The following PBLD variants were observed in gnomAD, a reference collection of about 807,000 sequenced individuals.
PBLD encodes the protein phenazine biosynthesis-like domain-containing protein.
A neutral mutation model predicts 31.3 loss-of-function variants in PBLD; 26 were observed. The observed-to-expected ratio is 0.83, with a 90% CI of 0.61 to 1.15. The LOEUF is 1.15. Among genes scored for constraint, PBLD ranks in the 50% most tolerant of loss-of-function variants. The probability of loss-of-function intolerance (pLI) is 0.00; values close to 1 mark genes in which losing one functional copy is unlikely to be tolerated. For missense variants in PBLD, 307 were observed against 351.7 expected, an observed-to-expected ratio of 0.87 and a Z score of 1.02; for synonymous variants, 114 against 129.0, an observed-to-expected ratio of 0.88 and a Z score of 0.79.
chr10:68,306,933 T>G, intron 1 of PBLD, 30 bp from the exon 2 acceptor site: 1 of 1,004,468 alleles, frequency 1.0e-6, no homozygotes, highest in South Asian at 1.4e-5. Context: ...AAAAAGTTAA[T>G]GTTTTACTTG....
At chr10:68,324,874 C>T (rs1029979293) in intron 1 of PBLD, among the ~76,000 whole-genome samples, 1 of 151,378 alleles carries the variant, frequency 6.6e-6, no homozygotes, top group Non-Finnish European at 1.5e-5. Flanking sequence ...CCTTGGCCTC[C>T]CAAAGTGCTG....
chr10:68,289,152 T>C, intron 6 of PBLD, 133 bp from the exon 7 acceptor site: 1 of 658,470 alleles, frequency 1.5e-6, no homozygotes, highest in Non-Finnish European at 2.6e-6. Flanking sequence ...TCCCCAAGAG[T>C]GTTAGTGCAG....
At chr10:68,319,680 C>T (rs1017551213) in intron 1 of PBLD, among the ~76,000 whole-genome samples, 3 of 152,022 alleles carry the variant, frequency 2.0e-5, no homozygotes, top group African/African-American at 4.8e-5. Flanking sequence ...GGGATCACAA[C>T]ACTGCACTCC....
intron 4 of PBLD, among the ~76,000 whole-genome samples, chr10:68,293,962 C>T (rs993004853): frequency 1.3e-5 from 2 of 151,932 alleles, no homozygotes; most frequent in Non-Finnish European, 2.9e-5. Flanking sequence ...GTGACAAGAG[C>T]AAAACTCCAT....
chr10:68,325,953 TATGTAATGGA>T (rs1457442714), intron 1 of PBLD, among the ~76,000 whole-genome samples: 1 of 152,242 alleles, frequency 6.6e-6, no homozygotes, highest in Non-Finnish European at 1.5e-5. Context: ...GTAATTTATC[TATGTAATGGA>T]ATGTATCTGT....
chr10:68,318,389 A>AAG (rs2044767093), intron 1 of PBLD, among the ~76,000 whole-genome samples: 1 of 148,742 alleles, frequency 6.7e-6, no homozygotes, highest in East Asian at 2.0e-4. Flanking sequence ...AAAAAAAAAA[A>AAG]AAAAAAAAAA....
At chr10:68,309,901 T>C (rs990651373) in intron 1 of PBLD, among the ~76,000 whole-genome samples, 1 of 149,686 alleles carries the variant, frequency 6.7e-6, no homozygotes, top group Non-Finnish European at 1.5e-5. Flanking sequence ...TTTGGGAGAC[T>C]GAGGTGGGTG....
intron 6 of PBLD, among the ~76,000 whole-genome samples, chr10:68,291,119 T>A (rs568607956): frequency 6.6e-6 from 1 of 152,188 alleles, no homozygotes; most frequent in Admixed American, 6.5e-5. Flanking sequence ...AGAATCATTT[T>A]TCTCATGACA....
chr10:68,331,894 G>C (rs28365926), intron 1 of PBLD: 9,897 of 152,384 alleles, frequency 0.065, 484 homozygotes, highest in East Asian at 0.19. Context: ...GCCTCTGCTC[G>C]GTCTACCTCG....
Position 68,319,100 on chromosome 10 carries a change from A to AAAGG in PBLD, c.-59-12198_-59-12197insCCTT, listed in dbSNP as rs1564737518. Among the ~76,000 whole-genome samples, 78 of 133,996 alleles carry AAAGG rather than the reference A, an allele frequency of 5.8e-4. No homozygotes were observed. The Middle Eastern group carries it at 0.01, about 18-fold the overall frequency. 87.9% of individuals were successfully genotyped at this position (133,996 alleles called of 152,430 possible). A position where few individuals can be genotyped will look rare whatever the true frequency, so the allele number is the denominator to read the frequency against. On this transcript the variant is annotated intron_variant, in intron 1 of 9. Transcript: ENST00000358769. ...GAAAGAAAGAAAGAAAGAAAGAAAG[A>AAAGG]AAGAAAGAAAGGAAAAAGAAAGAAA...
intron 1 of PBLD, among the ~76,000 whole-genome samples, chr10:68,318,269 G>A (rs931971180): frequency 1.3e-5 from 2 of 151,172 alleles, no homozygotes; most frequent in Non-Finnish European, 2.9e-5. Flanking sequence ...ACCAGACAAG[G>A]TGGCTAGTGC....
intron 1 of PBLD, among the ~76,000 whole-genome samples, chr10:68,329,845 G>T (rs2044985777): frequency 6.6e-6 from 1 of 152,078 alleles, no homozygotes; most frequent in South Asian, 2.1e-4. Context: ...CCTCACGAAG[G>T]TTCATAGTGT....
At chr10:68,292,846 G>T (rs2044377639) in intron 4 of PBLD, among the ~76,000 whole-genome samples, 1 of 151,966 alleles carries the variant, frequency 6.6e-6, no homozygotes, top group Admixed American at 6.6e-5. Context: ...TCTATAAAAT[G>T]AGGTTAATAC....
chr10:68,329,368 G>A (rs932737181), intron 1 of PBLD, among the ~76,000 whole-genome samples: 2 of 152,212 alleles, frequency 1.3e-5, no homozygotes, highest in Non-Finnish European at 2.9e-5. Flanking sequence ...TCATTAGAAT[G>A]ATTTTAAGAT....
rs78575229 is a variant in PBLD at position 68,283,051 on chromosome 10, T to C, written c.*1126A>G. On this transcript the variant is annotated 3_prime_UTR_variant, in exon 10 of 10. Coordinates refer to ENST00000358769, the MANE Select transcript of PBLD (RefSeq NM_022129.4). The stretch of plus-strand genomic sequence containing the variant: ...AAGAAAAAGATTGAAATTACATTCC[T>C]TTTTTTTTTTTTAATAGAGACAAGT... 3.6e-4 allele frequency: 29 copies of C among 79,766 alleles called. No individual in the cohort carries two copies. Among genetic ancestry groups the C allele is most frequent in the African/African-American group, 1.5e-3 (27 of 17,980 alleles). 4.9% of individuals were successfully genotyped at this position (79,766 alleles called of 1,614,324 possible).
chr10:68,319,225 T>C (rs933933232), intron 1 of PBLD, among the ~76,000 whole-genome samples: 1 of 148,394 alleles, frequency 6.7e-6, no homozygotes, highest in Non-Finnish European at 1.5e-5. Context: ...CAAGTTACCA[T>C]AAAAGAAGGC....
At chr10:68,325,838 C>A (rs565385188) in intron 1 of PBLD, among the ~76,000 whole-genome samples, 6 of 152,302 alleles carry the variant, frequency 3.9e-5, no homozygotes, top group African/African-American at 1.4e-4. Flanking sequence ...TGAGTTGTCT[C>A]CTTCAGAAAG....
chr10:68,290,337 G>A (rs1360847871), intron 6 of PBLD, among the ~76,000 whole-genome samples: 1 of 152,294 alleles, frequency 6.6e-6, no homozygotes. Context: ...CTCAAGAAAT[G>A]GGAACTCCTA....
chr10:68,282,911 T>G lies in PBLD; in HGVS notation c.*1266A>C, dbSNP rs1237155068. 6.6e-6 allele frequency: 1 copy of G among 152,156 alleles called. No individual in the cohort carries two copies. The highest frequency in any genetic ancestry group is 1.5e-5 in the Non-Finnish European group (1 of 68,038). The allele number at this position is 152,156 out of a possible 1,614,324, so 9.4% of individuals were successfully genotyped here. A position where few individuals can be genotyped will look rare whatever the true frequency, so the allele number is the denominator to read the frequency against. On this transcript the variant is annotated 3_prime_UTR_variant, in exon 10 of 10. Coordinates refer to ENST00000358769, the MANE Select transcript of PBLD (RefSeq NM_022129.4). ...ACTTGAAAAAGTCCCCATCCCAAAGTCAACTATAGGTATTCAATATTGTAT... is the reference window on the plus strand; with the variant it reads ...ACTTGAAAAAGTCCCCATCCCAAAGGCAACTATAGGTATTCAATATTGTAT...
Sources: allele counts gnomAD v4.1 joint callset (sites outside exome capture counted in the v4.1 genomes callset), GRCh38; gene constraint gnomAD v4.1.1; transcripts MANE v1.5; gene names NCBI Gene and HGNC (gene_info 2026-07-23, HGNC 2026-07-21).